RBFOX2: variants seen among roughly 807,000 people sequenced by gnomAD.
RBFOX2 encodes RNA binding fox-1 homolog 2, also known as RNA binding protein fox-1 homolog 2.
A neutral mutation model predicts 49.1 loss-of-function variants in RBFOX2; 10 were observed. The observed-to-expected ratio is 0.20, with a 90% CI of 0.13 to 0.35. The LOEUF is 0.35. Among genes scored for constraint, RBFOX2 ranks in the 10% least tolerant of loss-of-function variants. RBFOX2 has a pLI of 1.00. For synonymous variants in RBFOX2, 183 were observed against 187.4 expected (o/e 0.98, Z 0.19); for missense variants, 323 against 486.9 (o/e 0.66, Z 3.17).
At chr22:35,961,534 ACC>A (rs745397327) in intron 1 of RBFOX2, 1 of 1,300,494 alleles carries the variant, frequency 7.7e-7, no homozygotes. Flanking sequence ...CCACTCCACC[ACC>A]CCCCACACAC....
At chr22:35,952,597 A>C (rs1603456757) in intron 1 of RBFOX2, among the ~76,000 whole-genome samples, 1 of 152,210 alleles carries the variant, frequency 6.6e-6, no homozygotes, top group East Asian at 1.9e-4. Context: ...GATGCTAAAT[A>C]AATATTTAAT....
At chr22:35,954,405 T>G (rs1038094494) in intron 1 of RBFOX2, among the ~76,000 whole-genome samples, 2 of 152,210 alleles carry the variant, frequency 1.3e-5, no homozygotes, top group Non-Finnish European at 2.9e-5. Context: ...CTCCTCAGGA[T>G]TCAGGATGTA....
intron 1 of RBFOX2, among the ~76,000 whole-genome samples, chr22:35,949,561 C>A (rs1236329460): frequency 6.6e-6 from 1 of 152,230 alleles, no homozygotes; most frequent in East Asian, 1.9e-4. Flanking sequence ...TTCTTACTTA[C>A]ACTTGTTATT....
At chr22:35,977,723 T>TATAGATATATATAG (rs367562966) in intron 1 of RBFOX2, among the ~76,000 whole-genome samples, 1 of 3,196 alleles carries the variant, frequency 3.1e-4, no homozygotes, top group African/African-American at 8.6e-4. Flanking sequence ...CTGAATGAAC[T>TATAGATATATATAG]ATATATATAT....
intron 2 of RBFOX2, among the ~76,000 whole-genome samples, chr22:35,803,469 A>G (rs1346943471): frequency 1.3e-5 from 2 of 152,142 alleles, no homozygotes; most frequent in Non-Finnish European, 2.9e-5. Flanking sequence ...TGAGCCCAGG[A>G]GTTCAAGACT....
intron 1 of RBFOX2, among the ~76,000 whole-genome samples, chr22:35,967,248 ATTC>A: frequency 6.6e-6 from 1 of 152,302 alleles, no homozygotes; most frequent in South Asian, 2.1e-4. Context: ...TCATGAAAAC[ATTC>A]TTCTTTGTTT....
chr22:35,923,915 C>G (rs2051319218), intron 1 of RBFOX2, among the ~76,000 whole-genome samples: 1 of 140,694 alleles, frequency 7.1e-6, no homozygotes, highest in South Asian at 2.3e-4. Flanking sequence ...TGCTGCTGAG[C>G]AAAGAAAAAT....
chr22:36,003,298 T>G (rs1319850483), intron 1 of RBFOX2, among the ~76,000 whole-genome samples: 1 of 152,254 alleles, frequency 6.6e-6, no homozygotes, highest in Non-Finnish European at 1.5e-5. Context: ...ATTCATTTCA[T>G]TCATTATTCA....
intron 1 of RBFOX2, among the ~76,000 whole-genome samples, chr22:35,934,274 A>T (rs966829058): frequency 6.6e-6 from 1 of 152,126 alleles, no homozygotes; most frequent in African/African-American, 2.4e-5. Context: ...TCTTGACCTC[A>T]TATCAGGAAA....
rs749507044 is a variant in RBFOX2, at chr22:35,761,183, G to A, written c.754+19C>T. On this transcript the variant is annotated intron_variant, in intron 8 of 11. Coordinates refer to ENST00000405409, the Ensembl canonical transcript of RBFOX2. ...TCACAACAGTCAAAATCCATGCCAG[G>A]CCAACATAGGCTACTTACTGATTAA... is the stretch of plus-strand genomic sequence containing the variant. The A allele has an allele frequency of 2.2e-5, 35 of 1,605,538 alleles. No individual in the cohort carries two copies. Among genetic ancestry groups the A allele is most frequent in the Admixed American group, 6.7e-5 (4 of 59,942 alleles).
chr22:35,898,277 T>A, intron 1 of RBFOX2: 1 of 749,592 alleles, frequency 1.3e-6, no homozygotes, highest in Non-Finnish European at 2.5e-6. Context: ...ACCTTTCCCA[T>A]GAGGTATGAG....
intron 8 of RBFOX2, among the ~76,000 whole-genome samples, chr22:35,760,654 T>C (rs1444536033): frequency 3.3e-5 from 5 of 152,224 alleles, no homozygotes; most frequent in African/African-American, 1.2e-4. Context: ...AGGGGCCTCA[T>C]ATCCTTTAAA....
intron 1 of RBFOX2, among the ~76,000 whole-genome samples, chr22:35,856,658 AGGGCTTGAGCT>A (rs1174716025): frequency 1.1e-4 from 16 of 151,326 alleles, no homozygotes; most frequent in African/African-American, 3.9e-4. Context: ...CAAAAGAGCT[AGGGCTTGAGCT>A]GGAAGGATGA....
chr22:35,951,080 G>C (rs1335661576), intron 1 of RBFOX2, among the ~76,000 whole-genome samples: 2 of 145,726 alleles, frequency 1.4e-5, no homozygotes, highest in African/African-American at 2.5e-5. Flanking sequence ...CAGCCTCCCA[G>C]GTAGCTGGGA....
chr22:35,777,748 A>C (rs749329477), intron 4 of RBFOX2: 13 of 379,708 alleles, frequency 3.4e-5, no homozygotes, highest in African/African-American at 1.0e-4. Flanking sequence ...AGGCTCATAA[A>C]GCACTGTCAT....
chr22:36,008,715 G>A (rs931407117), intron 1 of RBFOX2, among the ~76,000 whole-genome samples: 3 of 152,100 alleles, frequency 2.0e-5, no homozygotes, highest in Non-Finnish European at 2.9e-5. Context: ...CTACTCGGGA[G>A]GCTGAGGCAT....
intron 1 of RBFOX2, chr22:35,999,983 T>TTATATATATATATATA (rs373901120): frequency 7.4e-6 from 1 of 135,606 alleles, no homozygotes; most frequent in Non-Finnish European, 1.6e-5. Context: ...AATATAAAAG[T>TTATATATATATATATA]TATATATATA....
chr22:36,028,001 C>G (rs891436136), intron 1 of RBFOX2, among the ~76,000 whole-genome samples: 1 of 152,152 alleles, frequency 6.6e-6, no homozygotes, highest in African/African-American at 2.4e-5. Context: ...AACCTATCCA[C>G]TCGTCGTGCC....
At chr22:35,778,993 G>A (rs967145884) in intron 3 of RBFOX2, among the ~76,000 whole-genome samples, 2 of 152,118 alleles carry the variant, frequency 1.3e-5, no homozygotes, top group Non-Finnish European at 2.9e-5. Flanking sequence ...TAGGCTACAT[G>A]CTATTCACCA....
Sources: allele counts gnomAD v4.1 joint callset (sites outside exome capture counted in the v4.1 genomes callset), GRCh38; gene constraint gnomAD v4.1.1; transcripts MANE v1.5; gene names NCBI Gene and HGNC (gene_info 2026-07-23, HGNC 2026-07-21).